MGMT: variants seen among roughly 807,000 people sequenced by gnomAD.
The protein encoded by MGMT is methylated-DNA--protein-cysteine methyltransferase.
MGMT carries 14 observed loss-of-function variants against 15.9 expected under a neutral mutation model. The ratio of observed to expected loss-of-function variants is 0.88; its 90% confidence interval spans 0.58 to 1.37. The LOEUF is 1.37. Ranked by LOEUF, MGMT falls within the 40% of genes most tolerant of loss-of-function variation. The pLI, the probability that MGMT is intolerant of heterozygous loss-of-function variation, is 0.00. For synonymous variants in MGMT, 130 were observed against 118.2 expected (o/e 1.10, Z -0.65); for missense variants, 282 against 268.1 (o/e 1.05, Z -0.36).
chr10:129,509,312 A>G (rs1845657637), intron 1 of MGMT, among the ~76,000 whole-genome samples: 1 of 152,120 alleles, frequency 6.6e-6, no homozygotes, highest in Non-Finnish European at 1.5e-5. Context: ...GATGCCCATG[A>G]TAGTCCCGCC....
chr10:129,719,036 T>C (rs1380976525), intron 3 of MGMT, among the ~76,000 whole-genome samples: 1 of 151,736 alleles, frequency 6.6e-6, no homozygotes, highest in East Asian at 1.9e-4. Context: ...AGCCGGTCCG[T>C]CTGCCTGCTC....
intron 2 of MGMT, among the ~76,000 whole-genome samples, chr10:129,677,010 G>T (rs1309199773): frequency 3.9e-5 from 6 of 152,204 alleles, no homozygotes; most frequent in Non-Finnish European, 8.8e-5. Flanking sequence ...GGATGCCAAA[G>T]CCATTTCCAC....
rs1000453663 is a variant in MGMT, at chr10:129,708,155, C to T, written c.274+112C>T. ...TACCAACTTGGTATTTTTACATCAG[C>T]TAAACAGAGGCAGCGTTTGGCCGAG... On this transcript the variant is annotated intron_variant, in intron 3 of 4. Coordinates refer to ENST00000651593, the MANE Select transcript of MGMT (RefSeq NM_002412.5). The T allele has an allele frequency of 1.9e-4, 270 of 1,405,500 alleles. 1 individual carries two copies. Among genetic ancestry groups the T allele is most frequent in the Admixed American group, 1.1e-4 (5 of 45,100 alleles). The allele number at this position is 1,405,500 out of a possible 1,614,324, so 87.1% of individuals were successfully genotyped here. A position where few individuals can be genotyped will look rare whatever the true frequency, so the allele number is the denominator to read the frequency against.
chr10:129,651,689 C>T lies in MGMT; in HGVS notation c.126-56206C>T, dbSNP rs183201437. ...CCGGTCGTTTGCCTGAGAGAACGTG[C>T]TCATCCTGGCCCTGTTGGATTGTCT... is the stretch of plus-strand genomic sequence containing the variant. On this transcript the variant is annotated intron_variant, in intron 2 of 4. Transcript: ENST00000651593. Among the ~76,000 whole-genome samples, 7 of 152,230 alleles carry T rather than the reference C, an allele frequency of 4.6e-5. No individual in the cohort carries two copies. The East Asian group carries it at 1.2e-3, about 25-fold the overall frequency.
intron 2 of MGMT, among the ~76,000 whole-genome samples, 200 bp from the exon 3 acceptor site, chr10:129,707,695 C>A (rs1848180841): frequency 6.6e-6 from 1 of 152,148 alleles, no homozygotes; most frequent in Non-Finnish European, 1.5e-5. Context: ...CCTGGGAGGC[C>A]TGAAGGTGGA....
At chr10:129,487,914 T>TGG (rs1845425644) in intron 1 of MGMT, among the ~76,000 whole-genome samples, 1 of 125,434 alleles carries the variant, frequency 8.0e-6, no homozygotes, top group South Asian at 2.9e-4. Flanking sequence ...CATATAGGGG[T>TGG]GTGTGTGTGT....
At chr10:129,742,852 G>A (rs1281418034) in intron 3 of MGMT, among the ~76,000 whole-genome samples, 2 of 139,536 alleles carry the variant, frequency 1.4e-5, no homozygotes, top group Admixed American at 7.2e-5. Flanking sequence ...AGTGCCGCAC[G>A]ACTGCAGTGG....
chr10:129,708,078 G>A, intron 3 of MGMT, 35 bp downstream of exon 3: 1 of 1,587,988 alleles, frequency 6.3e-7, no homozygotes, highest in Non-Finnish European at 8.6e-7. Flanking sequence ...GTTTCCTTTG[G>A]GGAGCTTGAC....
Position 129,684,987 on chromosome 10 carries a change from G to A in MGMT, c.126-22908G>A, listed in dbSNP as rs887358492. Among the ~76,000 whole-genome samples the A allele has an allele frequency of 3.9e-5, 6 of 152,278 alleles. No individual in the cohort carries two copies. In the East Asian group the frequency reaches 1.2e-3, roughly 29 times the overall value. On this transcript the variant is annotated intron_variant, in intron 2 of 4. Coordinates refer to ENST00000651593, the MANE Select transcript of MGMT (RefSeq NM_002412.5). ...ATGTGATGCTACAGTTCTATGACAG[G>A]CCCGAGTAGCTGATGAAATTCTACG...
intron 3 of MGMT, among the ~76,000 whole-genome samples, chr10:129,712,845 A>G (rs1292638735): frequency 6.6e-6 from 1 of 152,146 alleles, no homozygotes; most frequent in Non-Finnish European, 1.5e-5. Flanking sequence ...CTGCCTACTC[A>G]CATCCAGGAA....
chr10:129,564,540 ACTTCCTCAT>A (rs1250275166), intron 2 of MGMT, among the ~76,000 whole-genome samples: 1 of 39,946 alleles, frequency 2.5e-5, no homozygotes, highest in Admixed American at 3.8e-4. Context: ...TTCCTCCTCC[ACTTCCTCAT>A]CTTCCTCTTC....
At chr10:129,741,899 G>A (rs1589970715) in intron 3 of MGMT, among the ~76,000 whole-genome samples, 1 of 152,214 alleles carries the variant, frequency 6.6e-6, no homozygotes, top group Non-Finnish European at 1.5e-5. Context: ...GTGAGGCTCG[G>A]AGCCCCCATC....
Position 129,548,922 on chromosome 10 carries a change from G to A in MGMT, c.125+12545G>A, listed in dbSNP as rs367790427. ...GCGTGAAGATGGGCTGGAGGTGTGA[G>A]CACCAAGAATGGGGCGCGGCCTGAC... On this transcript the variant is annotated intron_variant, in intron 2 of 4. Transcript: ENST00000651593. 2.2e-3 allele frequency among the ~76,000 whole-genome samples: 334 copies of A among 152,332 alleles called. 3 individuals carry two copies. The highest frequency in any genetic ancestry group is 7.7e-3 in the African/African-American group (320 of 41,562).
chr10:129,751,831 T>C (rs1848753435), intron 3 of MGMT, among the ~76,000 whole-genome samples: 1 of 152,006 alleles, frequency 6.6e-6, no homozygotes, highest in Non-Finnish European at 1.5e-5. Context: ...TTATGGTTTT[T>C]GTCGATTTCT....
intron 1 of MGMT, among the ~76,000 whole-genome samples, chr10:129,488,852 A>G (rs1037945475): frequency 4.6e-5 from 7 of 152,112 alleles, no homozygotes; most frequent in African/African-American, 9.7e-5. Context: ...TTCACTGCAA[A>G]TATATGACAA....
chr10:129,639,429 T>G (rs1223191424), intron 2 of MGMT, among the ~76,000 whole-genome samples: 1 of 152,098 alleles, frequency 6.6e-6, no homozygotes, highest in Non-Finnish European at 1.5e-5. Flanking sequence ...TAAATGGAGA[T>G]TTCACCATTT....
chr10:129,487,976 G>T (rs1449515134), intron 1 of MGMT, among the ~76,000 whole-genome samples: 2 of 20,806 alleles, frequency 9.6e-5, no homozygotes, highest in African/African-American at 3.4e-4. Flanking sequence ...TGTATACGCA[G>T]GTATACACAC....
At chr10:129,494,928 C>A (rs577583010) in intron 1 of MGMT, among the ~76,000 whole-genome samples, 2 of 152,144 alleles carry the variant, frequency 1.3e-5, no homozygotes, top group African/African-American at 2.4e-5. Context: ...TCAATAGGGA[C>A]GTCACCCCTG....
chr10:129,721,795 T>TAGAATGCTAATTCTTTTATTA (rs1848374533), intron 3 of MGMT, among the ~76,000 whole-genome samples: 2 of 149,208 alleles, frequency 1.3e-5, no homozygotes. Context: ...AAAGATAAAA[T>TAGAATGCTAATTCTTTTATTA]AGAATGCTAA....
Sources: gnomAD v4.1 joint callset for allele counts (sites outside exome capture counted in the v4.1 genomes callset) on GRCh38, gnomAD v4.1.1 for gene constraint, MANE v1.5 for transcripts, NCBI Gene and HGNC (gene_info 2026-07-23, HGNC 2026-07-21) for gene names.